ARHGAP25: variants seen among roughly 807,000 people sequenced by gnomAD.
ARHGAP25 encodes Rho GTPase activating protein 25, also known as rho GTPase-activating protein 25.
A neutral mutation model predicts 71.0 loss-of-function variants in ARHGAP25; 34 were observed. The ratio of observed to expected loss-of-function variants is 0.48; its 90% CI spans 0.36 to 0.64. ARHGAP25 has a LOEUF of 0.64. Ranked by LOEUF, ARHGAP25 falls within the 30% of genes least tolerant of loss-of-function variation. The pLI, the probability that ARHGAP25 is intolerant of heterozygous loss-of-function variation, is 0.00. For synonymous variants in ARHGAP25, 282 were observed against 296.5 expected, an observed-to-expected ratio of 0.95 and a Z score of 0.50; for missense variants, 706 against 805.1, an observed-to-expected ratio of 0.88 and a Z score of 1.49.
intron 1 of ARHGAP25, among the ~76,000 whole-genome samples, chr2:68,756,863 G>T (rs1488644353): frequency 1.3e-5 from 2 of 151,892 alleles, no homozygotes; most frequent in Admixed American, 1.3e-4. Context: ...ACTAGACAAA[G>T]ACTTTTAAAA....
At chr2:68,813,191 A>G in intron 5 of ARHGAP25, 96 bp from the exon 6 acceptor site, 1 of 1,368,628 alleles carries the variant, frequency 7.3e-7, no homozygotes, top group Non-Finnish European at 9.7e-7. Context: ...TTTGTAATTT[A>G]TGGTTCTATT....
chr2:68,719,605 T>G (rs1458488031), intron 2 of ARHGAP25, among the ~76,000 whole-genome samples: 2 of 152,094 alleles, frequency 1.3e-5, no homozygotes, highest in Non-Finnish European at 2.9e-5. Context: ...GATGTGGATA[T>G]CCTCGGGGGC....
chr2:68,775,464 G>T (rs1482583317), intron 2 of ARHGAP25, 44 bp downstream of exon 2: 1 of 1,612,648 alleles, frequency 6.2e-7, no homozygotes, highest in Non-Finnish European at 8.5e-7. Context: ...CACGGAGGAG[G>T]CGGGCCTGGA....
At chr2:68,740,313 G>T (rs1312220971) in intron 1 of ARHGAP25, among the ~76,000 whole-genome samples, 2 of 152,134 alleles carry the variant, frequency 1.3e-5, no homozygotes, top group Non-Finnish European at 2.9e-5. Context: ...CCTGCACATT[G>T]TATCTACTTT....
upstream of ARHGAP25, among the ~76,000 whole-genome samples, chr2:68,732,660 C>T (rs1182916819): frequency 2.0e-5 from 3 of 152,164 alleles, no homozygotes; most frequent in African/African-American, 7.2e-5. Flanking sequence ...TCTTCCACCC[C>T]TCCGGCCCTT....
chr2:68,736,943 A>G (rs915252624), intron 1 of ARHGAP25, among the ~76,000 whole-genome samples: 1 of 152,090 alleles, frequency 6.6e-6, no homozygotes, highest in South Asian at 2.1e-4. Flanking sequence ...CCCATTTAGT[A>G]TAGGGCACAG....
At chr2:68,766,711 C>CCCTTCTCTCTCTCTCTCTCTCT (rs1677141809) in intron 1 of ARHGAP25, among the ~76,000 whole-genome samples, 1 of 149,326 alleles carries the variant, frequency 6.7e-6, no homozygotes, top group Non-Finnish European at 1.5e-5. Context: ...TCTCTCTCTC[C>CCCTTCTCTCTCTCTCTCTCTCT]CCTTCTCTCT....
At chr2:68,730,717 G>A (rs1273139733), upstream of ARHGAP25, among the ~76,000 whole-genome samples, 1 of 151,900 alleles carries the variant, frequency 6.6e-6, no homozygotes. Context: ...ATCAGACCCT[G>A]GCCCCAGCAG....
intron 1 of ARHGAP25, 124 bp from the exon 2 acceptor site, chr2:68,775,097 A>C (rs1294431025): frequency 6.3e-7 from 1 of 1,580,406 alleles, no homozygotes; most frequent in Non-Finnish European, 8.6e-7. Context: ...GGACCCCTGA[A>C]CTGGACCTGG....
chr2:68,782,176 A>G (rs560774090), intron 2 of ARHGAP25, 57 bp from the exon 3 acceptor site: 4 of 1,504,440 alleles, frequency 2.7e-6, no homozygotes, highest in African/African-American at 1.4e-5. Flanking sequence ...GTCCAACCCA[A>G]TTTTAGTTTA....
chr2:68,726,656 A>G (rs1301641740), intron 2 of ARHGAP25, among the ~76,000 whole-genome samples: 3 of 152,230 alleles, frequency 2.0e-5, no homozygotes, highest in Non-Finnish European at 4.4e-5. Flanking sequence ...AATAAAGATC[A>G]ATAGACTATC....
chr2:68,812,154 T>C (rs1303241024), intron 5 of ARHGAP25, among the ~76,000 whole-genome samples: 1 of 152,256 alleles, frequency 6.6e-6, no homozygotes, highest in Non-Finnish European at 1.5e-5. Flanking sequence ...TATAATACTC[T>C]GCTCAGTACA....
At chr2:68,822,914 T>C in intron 10 of ARHGAP25, 42 bp downstream of exon 10, 1 of 1,539,390 alleles carries the variant, frequency 6.5e-7, no homozygotes, top group African/African-American at 1.4e-5. Flanking sequence ...TTGGCTTCCA[T>C]CTTTAGAGAC....
intron 1 of ARHGAP25, among the ~76,000 whole-genome samples, chr2:68,738,743 T>C (rs528460398): frequency 6.7e-5 from 10 of 150,336 alleles, no homozygotes; most frequent in Non-Finnish European, 1.5e-4. Flanking sequence ...ATTGCTTGAA[T>C]CCGGGAGGCG....
chr2:68,792,270 T>A (rs1679230920), intron 4 of ARHGAP25, among the ~76,000 whole-genome samples: 1 of 152,212 alleles, frequency 6.6e-6, no homozygotes. Flanking sequence ...TTATTATTAT[T>A]AGTATAAATT....
chr2:68,816,055 T>C (rs1681202156), intron 6 of ARHGAP25: 3 of 553,198 alleles, frequency 5.4e-6, no homozygotes, highest in South Asian at 1.9e-5. Context: ...AGTGGCATAA[T>C]TACATATAAA....
chr2:68,810,736 T>C (rs78726581), intron 5 of ARHGAP25, among the ~76,000 whole-genome samples: 2,640 of 92,586 alleles, frequency 0.029, 75 homozygotes, highest in African/African-American at 0.08. Context: ...CTTCTCTTTT[T>C]TTTTTTTTTT....
chr2:68,780,121 G>C (rs1166019027), intron 2 of ARHGAP25, among the ~76,000 whole-genome samples: 2 of 152,140 alleles, frequency 1.3e-5, no homozygotes, highest in Non-Finnish European at 2.9e-5. Context: ...TCTCCAATGG[G>C]GAAGAATAAC....
At chr2:68,815,936 T>C (rs1321664003) in intron 6 of ARHGAP25, among the ~76,000 whole-genome samples, 3 of 152,188 alleles carry the variant, frequency 2.0e-5, no homozygotes, top group African/African-American at 7.2e-5. Context: ...TATTGTGGTC[T>C]TATTCTTTAT....
Sources: gnomAD v4.1 joint callset for allele counts (sites outside exome capture counted in the v4.1 genomes callset) on GRCh38, gnomAD v4.1.1 for gene constraint, MANE v1.5 for transcripts, NCBI Gene and HGNC (gene_info 2026-07-23, HGNC 2026-07-21) for gene names.